CD226: variants seen among roughly 807,000 people sequenced by gnomAD.
CD226 encodes the protein CD226 molecule, also known as CD226 antigen.
CD226 carries 24 observed loss-of-function variants against 34.9 expected under a neutral mutation model. The observed-to-expected ratio is 0.69, with a 90% CI of 0.50 to 0.97. The LOEUF (loss-of-function observed/expected upper bound fraction) is 0.97. Among genes scored for constraint, CD226 ranks in the 50% least tolerant of loss-of-function variants. The pLI is 0.00. For synonymous variants in CD226, 148 were observed against 147.4 expected (o/e 1.00, Z -0.03); for missense variants, 397 against 412.7 (o/e 0.96, Z 0.33).
At chr18:69,915,629 T>C (rs1459676413) in intron 2 of CD226, among the ~76,000 whole-genome samples, 2 of 152,222 alleles carry the variant, frequency 1.3e-5, no homozygotes, top group African/African-American at 4.8e-5. Flanking sequence ...GTGTTTGCCA[T>C]TCTCCTTGGC....
At chr18:69,927,371 C>CAA (rs1465060258) in intron 2 of CD226, among the ~76,000 whole-genome samples, 1 of 151,032 alleles carries the variant, frequency 6.6e-6, no homozygotes, top group African/African-American at 2.4e-5. Flanking sequence ...ACTACACACA[C>CAA]ACACACACAC....
At chr18:69,948,298 C>G (rs1357452091), upstream of CD226, among the ~76,000 whole-genome samples, 1 of 152,076 alleles carries the variant, frequency 6.6e-6, no homozygotes, top group East Asian at 1.9e-4. Context: ...AGTTCCAATT[C>G]TTAAGAACTT....
At chr18:69,902,372 G>A (rs143613214) in intron 2 of CD226, among the ~76,000 whole-genome samples, 6 of 151,944 alleles carry the variant, frequency 3.9e-5, no homozygotes, top group African/African-American at 7.2e-5. Context: ...CGACACAATC[G>A]AGCATCCATT....
At chr18:69,949,939 C>A (rs1480664465), upstream of CD226, among the ~76,000 whole-genome samples, 1 of 152,182 alleles carries the variant, frequency 6.6e-6, no homozygotes, top group East Asian at 1.9e-4. Context: ...CACATCCACA[C>A]ACACGCATGC....
intron 3 of CD226, among the ~76,000 whole-genome samples, chr18:69,882,986 C>CTTG (rs1250290422): frequency 2.0e-5 from 3 of 152,200 alleles, no homozygotes; most frequent in Non-Finnish European, 2.9e-5. Flanking sequence ...TTATTATGGA[C>CTTG]ACTTGACTCT....
chr18:69,905,596 C>A (rs558260807), intron 2 of CD226, among the ~76,000 whole-genome samples: 1 of 152,310 alleles, frequency 6.6e-6, no homozygotes, highest in East Asian at 1.9e-4. Flanking sequence ...GACTGCAAAC[C>A]AGAGGCGGTG....
rs1328759534 is a variant in CD226 at position 69,859,339 on chromosome 18, A to G, written c.*4975T>C. The stretch of plus-strand genomic sequence containing the variant: ...GTAAATACAGAAAAAGTCAGTCCCC[A>G]GAATGACAATTATTAGCTCTAGGTG... On this transcript the variant is annotated 3_prime_UTR_variant, in exon 6 of 6. Coordinates refer to ENST00000582621, the MANE Select transcript of CD226 (RefSeq NM_001303618.2). The G allele has an allele frequency of 2.6e-5, 4 of 152,302 alleles. No individual in the cohort carries two copies. The highest frequency in any genetic ancestry group is 2.6e-4 in the Admixed American group (4 of 15,304). The allele number at this position is 152,302 out of a possible 1,614,324, so 9.4% of individuals were successfully genotyped here.
rs1982853375 is a variant in CD226, at chr18:69,861,962, T to C, written c.*2352A>G. 1 of 152,094 alleles carries C rather than the reference T, an allele frequency of 6.6e-6. No homozygotes were observed. Among genetic ancestry groups the C allele is most frequent in the African/African-American group, 2.4e-5 (1 of 41,424 alleles). 9.4% of individuals were successfully genotyped at this position (152,094 alleles called of 1,614,324 possible). On this transcript the variant is annotated 3_prime_UTR_variant, in exon 6 of 6. Coordinates refer to ENST00000582621, the MANE Select transcript of CD226 (RefSeq NM_001303618.2). ...AAATTCCTGAAAAAACCCTACACTC[T>C]GTAGAGGAAGAATATATAGAGAAGA...
chr18:69,954,964 T>C (rs938708228), intron 1 of CD226, among the ~76,000 whole-genome samples: 3 of 152,180 alleles, frequency 2.0e-5, no homozygotes, highest in African/African-American at 7.2e-5. Context: ...TTTTTTCTAA[T>C]AGAGCTGTCT....
rs1318587433 is a variant in CD226, at chr18:69,946,809, C to T, written c.307G>A (p.Val103Ile). The T allele has an allele frequency of 1.2e-6, 2 of 1,614,000 alleles. No homozygotes were observed. The highest frequency in any genetic ancestry group is 1.6e-4 in the Middle Eastern group (1 of 6,062). ...LFFRNASEDD[V>I]GYYSCSLYTY... ...TAAAGAGAGCAGGAATAGTAGCCAA[C>T]ATCATCTTCAGAGGCATTCCGAAAG... Residue 103 changes from valine to isoleucine, a missense_variant, in exon 2 of 6, where the codon GTT becomes ATT. By Grantham distance (29) the Val-to-Ile change is conservative (BLOSUM62 3). Transcript: ENST00000582621.
At chr18:69,930,004 T>C (rs913367257) in intron 2 of CD226, among the ~76,000 whole-genome samples, 2 of 152,092 alleles carry the variant, frequency 1.3e-5, no homozygotes, top group African/African-American at 2.4e-5. Context: ...AGGTCTGGCA[T>C]CTCTCCTCTG....
At position 69,855,575 on chromosome 18, in the gene CD226, TA is replaced by T. The variant is rs1357377965; in HGVS notation, c.*8738del. On this transcript the variant is annotated 3_prime_UTR_variant, in exon 6 of 6. Transcript: ENST00000582621. ...ATAACGTCTGGGAACTTGCCAAAAT[TA>T]GTGATAGACACCAACTCAGGTAGCT... is the stretch of plus-strand genomic sequence containing the variant. The T allele has an allele frequency of 1.3e-5, 2 of 152,092 alleles. No homozygotes were observed. The highest frequency in any genetic ancestry group is 2.9e-5 in the Non-Finnish European group (2 of 68,022). The allele number at this position is 152,092 out of a possible 1,614,324, so 9.4% of individuals were successfully genotyped here.
chr18:69,918,223 A>G (rs186458309), intron 2 of CD226, among the ~76,000 whole-genome samples: 1 of 152,330 alleles, frequency 6.6e-6, no homozygotes, highest in East Asian at 1.9e-4. Context: ...CAGTTCAAAA[A>G]TATTTGGTAA....
chr18:69,927,601 G>C (rs2055538825), intron 2 of CD226, among the ~76,000 whole-genome samples: 1 of 151,886 alleles, frequency 6.6e-6, no homozygotes, highest in Non-Finnish European at 1.5e-5. Context: ...TGACTCCTCT[G>C]TGTACCTCAT....
At chr18:69,925,856 T>A (rs1179994452) in intron 2 of CD226, among the ~76,000 whole-genome samples, 1 of 152,100 alleles carries the variant, frequency 6.6e-6, no homozygotes, top group Non-Finnish European at 1.5e-5. Context: ...TAGAATCACT[T>A]AGCAGGCTGG....
At chr18:69,870,081 C>T (rs1384071399) in intron 4 of CD226, among the ~76,000 whole-genome samples, 4 of 151,742 alleles carry the variant, frequency 2.6e-5, no homozygotes, top group Non-Finnish European at 5.9e-5. Flanking sequence ...GGATTACAGG[C>T]GTGAGCCATC....
chr18:69,854,859 T>C lies in CD226; in HGVS notation c.*9455A>G, dbSNP rs1191146948. The C allele has an allele frequency of 1.3e-5, 2 of 152,306 alleles. No individual in the cohort carries two copies. The highest frequency in any genetic ancestry group is 1.9e-4 in the East Asian group (1 of 5,178). The allele number at this position is 152,306 out of a possible 1,614,324, so 9.4% of individuals were successfully genotyped here. ...CAACAGGGCTCCAGTATAGTAACAG[T>C]GAATTGCAGAGGAAAGAGCTGAAAG... On this transcript the variant is annotated 3_prime_UTR_variant, in exon 6 of 6. Transcript: ENST00000582621.
intron 3 of CD226, among the ~76,000 whole-genome samples, chr18:69,891,065 T>C (rs1598976157): frequency 7.4e-6 from 1 of 136,010 alleles, no homozygotes; most frequent in Non-Finnish European, 1.6e-5. Flanking sequence ...TGAACACAGA[T>C]GAAAAAATCC....
chr18:69,908,251 G>A (rs1483413137), intron 2 of CD226, among the ~76,000 whole-genome samples: 1 of 152,190 alleles, frequency 6.6e-6, no homozygotes, highest in East Asian at 1.9e-4. Context: ...GTTATGCCAA[G>A]CTCCTTGGAG....
Sources: allele counts gnomAD v4.1 joint callset (sites outside exome capture counted in the v4.1 genomes callset), GRCh38; gene constraint gnomAD v4.1.1; transcripts MANE v1.5; gene names NCBI Gene and HGNC (gene_info 2026-07-23, HGNC 2026-07-21).